Variants in IQSEC3 observed in about 807,000 individuals in gnomAD.
IQSEC3 encodes the protein IQ motif and SEC7 domain-containing protein 3.
A neutral mutation model predicts 105.4 loss-of-function variants in IQSEC3; 50 were observed. That is an observed-to-expected ratio of 0.47 (90% CI 0.38 to 0.60). The LOEUF (loss-of-function observed/expected upper bound fraction) is 0.60. IQSEC3 is among the 20% of genes least tolerant of loss of function. IQSEC3 has a pLI of 0.00. For synonymous variants in IQSEC3, 708 were observed against 746.0 expected (o/e 0.95, Z 0.83); for missense variants, 1,415 against 1,630.0 (o/e 0.87, Z 2.27).
intron 7 of IQSEC3, among the ~76,000 whole-genome samples, chr12:160,994 G>T (rs528560585): frequency 5.6e-4 from 85 of 152,158 alleles, no homozygotes; most frequent in African/African-American, 1.9e-3. Context: ...TTTCTCCTTG[G>T]TTTTTCTCAC....
chr12:141,646 C>T (rs539421195), intron 5 of IQSEC3: 2 of 233,166 alleles, frequency 8.6e-6, no homozygotes, highest in African/African-American at 2.2e-5. Context: ...TGGTGAAGAG[C>T]CCCTCAGCCC....
At chr12:161,427 A>T (rs975949898) in intron 7 of IQSEC3, among the ~76,000 whole-genome samples, 1 of 152,082 alleles carries the variant, frequency 6.6e-6, no homozygotes, top group Non-Finnish European at 1.5e-5. Context: ...CCAGTGAGGG[A>T]GGAATCTCTT....
intron 2 of IQSEC3, among the ~76,000 whole-genome samples, chr12:116,125 AC>A (rs1422616132): frequency 6.6e-6 from 1 of 152,222 alleles, no homozygotes; most frequent in East Asian, 1.9e-4. Flanking sequence ...GGGCTTGCCA[AC>A]CATTGTACGT....
chr12:73,129 G>A (rs1863391244), intron 1 of IQSEC3, among the ~76,000 whole-genome samples: 1 of 151,908 alleles, frequency 6.6e-6, no homozygotes, highest in Non-Finnish European at 1.5e-5. Flanking sequence ...CAAGGGCAAA[G>A]CTAAATCTTT....
chr12:90,148 T>C (rs1206680057), intron 1 of IQSEC3, among the ~76,000 whole-genome samples: 1 of 152,238 alleles, frequency 6.6e-6, no homozygotes, highest in Non-Finnish European at 1.5e-5. Context: ...TGGTTTTAAT[T>C]GGCAATTCCC....
intron 5 of IQSEC3, 35 bp from the exon 6 acceptor site, chr12:156,990 C>A: frequency 1.3e-6 from 2 of 1,539,054 alleles, no homozygotes; most frequent in South Asian, 1.3e-5. Context: ...GCTTAGGGTG[C>A]CACCTGACCT....
intron 1 of IQSEC3, among the ~76,000 whole-genome samples, chr12:69,980 G>A (rs1863248100): frequency 6.6e-6 from 1 of 152,264 alleles, no homozygotes; most frequent in African/African-American, 2.4e-5. Context: ...CCCTGGTATT[G>A]CTCCTGGGGA....
rs549954836 is a variant in IQSEC3 at position 75,192 on chromosome 12, A to G, written c.554+7756A>G. On this transcript the variant is annotated intron_variant, in intron 1 of 13. Coordinates refer to ENST00000538872, the MANE Select transcript of IQSEC3 (RefSeq NM_001170738.2). ...TTAGTGTGAAAGAGTTTATTTGAGC[A>G]ATCTCCCAGAGAAGGGTTTGGTAAG... Among the ~76,000 whole-genome samples, 498 of 152,370 alleles carry G rather than the reference A, an allele frequency of 3.3e-3. 1 individual carries two copies. The highest frequency in any genetic ancestry group is 0.011 in the African/African-American group (474 of 41,560).
At chr12:169,724 C>A (rs950019878) in intron 12 of IQSEC3, among the ~76,000 whole-genome samples, 1 of 152,244 alleles carries the variant, frequency 6.6e-6, no homozygotes, top group Non-Finnish European at 1.5e-5. Context: ...AACCTTACCC[C>A]ACCTGCAGGG....
rs782765882 is a variant in IQSEC3, at chr12:152,007, G to A, written c.2154-5018G>A. Among the ~76,000 whole-genome samples, 1 of 152,084 alleles carries A rather than the reference G, an allele frequency of 6.6e-6. No individual in the cohort carries two copies. Among genetic ancestry groups the A allele is most frequent in the Non-Finnish European group, 1.5e-5 (1 of 68,010 alleles). ...CTACATAGAACTCATCATGACTATA[G>A]GTAAAGAATTATTTTTGACTCTGTG... On this transcript the variant is annotated intron_variant, in intron 5 of 13. Transcript: ENST00000538872. The surrounding 1 kb of genome is among the most constrained non-coding windows in gnomAD (Gnocchi z 4.8).
chr12:99,033 A>C (rs2136916930), intron 1 of IQSEC3, 113 bp from the exon 2 acceptor site: 1 of 931,230 alleles, frequency 1.1e-6, no homozygotes, highest in East Asian at 2.7e-5. Context: ...ACAGGGGCTC[A>C]AAAGGGCGGG....
chr12:72,292 G>A (rs1254376492), intron 1 of IQSEC3, among the ~76,000 whole-genome samples: 1 of 151,630 alleles, frequency 6.6e-6, no homozygotes, highest in African/African-American at 2.4e-5. Context: ...GGCAGCTGGG[G>A]TCGGGGCTGG....
At chr12:98,269 A>AC (rs1864301832) in intron 1 of IQSEC3, among the ~76,000 whole-genome samples, 1 of 152,160 alleles carries the variant, frequency 6.6e-6, no homozygotes, top group Admixed American at 6.5e-5. Context: ...GGTGGAAGGG[A>AC]CCTAGGAAAT....
At chr12:120,951 C>G (rs1417815679) in intron 2 of IQSEC3, among the ~76,000 whole-genome samples, 1 of 152,216 alleles carries the variant, frequency 6.6e-6, no homozygotes, top group African/African-American at 2.4e-5. Context: ...CAGCATCGCT[C>G]ATATACCAGC....
chr12:171,240 T>A, intron 13 of IQSEC3, 79 bp downstream of exon 13: 1 of 1,614,000 alleles, frequency 6.2e-7, no homozygotes, highest in Non-Finnish European at 8.5e-7. Context: ...GTTGTTTCTC[T>A]TCTCAGGTAT....
chr12:89,854 T>C (rs1555072946), intron 1 of IQSEC3, among the ~76,000 whole-genome samples: 1 of 152,254 alleles, frequency 6.6e-6, no homozygotes, highest in African/African-American at 2.4e-5. Context: ...TAGTGGACAT[T>C]TACATTGTTT....
intron 3 of IQSEC3, 66 bp downstream of exon 3, chr12:125,978 G>GCA (rs1555083371): frequency 1.5e-5 from 22 of 1,444,754 alleles, no homozygotes; most frequent in Admixed American, 2.2e-5. Flanking sequence ...GGCTGTCGAG[G>GCA]GTACCAGGGA....
At chr12:88,502 T>A (rs1863986730) in intron 1 of IQSEC3, among the ~76,000 whole-genome samples, 1 of 152,116 alleles carries the variant, frequency 6.6e-6, no homozygotes, top group Non-Finnish European at 1.5e-5. Context: ...CAAAGAAAAG[T>A]GAGCAGAGAA....
intron 1 of IQSEC3, among the ~76,000 whole-genome samples, chr12:93,318 G>C (rs1229691873): frequency 2.0e-5 from 3 of 152,212 alleles, no homozygotes; most frequent in Non-Finnish European, 4.4e-5. Context: ...ACAGAAGCAG[G>C]TTGTGCCCAT....
Sources: allele counts gnomAD v4.1 joint callset (sites outside exome capture counted in the v4.1 genomes callset), GRCh38; gene constraint gnomAD v4.1.1; non-coding constraint Gnocchi (gnomAD v3.1); transcripts MANE v1.5; gene names NCBI Gene and HGNC (gene_info 2026-07-23, HGNC 2026-07-21).